The following AGBL4 variants were observed in gnomAD, a reference collection of about 807,000 sequenced individuals.
The protein encoded by AGBL4 is cytosolic carboxypeptidase 6.
AGBL4 carries 58 observed loss-of-function variants against 66.4 expected under a neutral mutation model. The observed-to-expected ratio is 0.87, with a 90% CI of 0.71 to 1.09. The LOEUF is 1.09. Ranked by LOEUF, AGBL4 falls within the 50% of genes least tolerant of loss-of-function variation. AGBL4 has a pLI of 0.00. For missense variants in AGBL4, 579 were observed against 631.0 expected, an observed-to-expected ratio of 0.92 and a Z score of 0.88; for synonymous variants, 234 against 222.9, an observed-to-expected ratio of 1.05 and a Z score of -0.44.
intron 9 of AGBL4, among the ~76,000 whole-genome samples, chr1:48,620,597 T>TA (rs757296939): frequency 6.6e-6 from 1 of 152,190 alleles, no homozygotes; most frequent in Non-Finnish European, 1.5e-5. Context: ...GCATTGCTAT[T>TA]TCAATAACCA....
At chr1:48,616,383 T>A (rs1645318479) in intron 9 of AGBL4, among the ~76,000 whole-genome samples, 2 of 152,022 alleles carry the variant, frequency 1.3e-5, no homozygotes, top group African/African-American at 4.8e-5. Context: ...AGATCCAGAG[T>A]GAGAAAAGAA....
intron 12 of AGBL4, among the ~76,000 whole-genome samples, chr1:48,538,757 C>T (rs909188660): frequency 4.6e-5 from 7 of 152,152 alleles, no homozygotes; most frequent in Admixed American, 1.3e-4. Flanking sequence ...TCAATAACAG[C>T]GTAGGGAGGA....
At chr1:49,394,158 T>C (rs1388571071) in intron 3 of AGBL4, among the ~76,000 whole-genome samples, 1 of 151,838 alleles carries the variant, frequency 6.6e-6, no homozygotes, top group Non-Finnish European at 1.5e-5. Context: ...GCAGCTGAAA[T>C]GGAGCAGACC....
At chr1:48,724,125 G>A (rs1647193180) in intron 6 of AGBL4, among the ~76,000 whole-genome samples, 1 of 152,200 alleles carries the variant, frequency 6.6e-6, no homozygotes, top group Non-Finnish European at 1.5e-5. Context: ...ATGAACAGGT[G>A]TAGGGAGAGA....
intron 1 of AGBL4, among the ~76,000 whole-genome samples, chr1:49,957,376 T>A (rs1038280614): frequency 6.6e-6 from 1 of 151,942 alleles, no homozygotes. Context: ...CTATTAGGTC[T>A]GCTTGGTGCA....
intron 1 of AGBL4, among the ~76,000 whole-genome samples, chr1:49,943,210 C>T (rs1243524544): frequency 6.6e-6 from 1 of 152,100 alleles, no homozygotes; most frequent in Non-Finnish European, 1.5e-5. Flanking sequence ...CTTGTGCACA[C>T]TGTTGGGAAT....
chr1:48,643,362 G>A lies in AGBL4; in HGVS notation c.840-8758C>T, dbSNP rs116386325. On this transcript the variant is annotated intron_variant, in intron 8 of 13. Transcript: ENST00000371839. ...CTACCCACTTAGCTGGCACCTTTGTGTGGTGCACAGACTGTACCCTATGTA... is the reference window on the plus strand; with the variant it reads ...CTACCCACTTAGCTGGCACCTTTGTATGGTGCACAGACTGTACCCTATGTA... 3.7e-3 allele frequency among the ~76,000 whole-genome samples: 562 copies of A among 152,236 alleles called. 5 individuals are homozygous for A. Among genetic ancestry groups the A allele is most frequent in the African/African-American group, 0.013 (538 of 41,536 alleles).
At chr1:49,674,710 T>C (rs188954086) in intron 3 of AGBL4, among the ~76,000 whole-genome samples, 1 of 151,878 alleles carries the variant, frequency 6.6e-6, no homozygotes, top group East Asian at 1.9e-4. Context: ...AGCTAACTGT[T>C]TTCCAAAAAA....
intron 8 of AGBL4, among the ~76,000 whole-genome samples, chr1:48,653,050 G>T (rs1290211586): frequency 2.6e-5 from 4 of 152,188 alleles, no homozygotes; most frequent in Non-Finnish European, 5.9e-5. Flanking sequence ...GGGAAAAGTG[G>T]ACTCCCCAAG....
intron 4 of AGBL4, among the ~76,000 whole-genome samples, chr1:49,125,199 A>G (rs192744323): frequency 3.6e-4 from 55 of 152,268 alleles, no homozygotes; most frequent in Middle Eastern, 3.4e-3. Flanking sequence ...GGAAAACACA[A>G]AAAGGCCTAT....
Position 48,746,630 on chromosome 1 carries a change from G to A in AGBL4, c.635-83389C>T, listed in dbSNP as rs184312351. 2.6e-5 allele frequency among the ~76,000 whole-genome samples: 4 copies of A among 152,320 alleles called. No individual in the cohort carries two copies. In the East Asian group the frequency reaches 5.8e-4, roughly 22 times the overall value. On this transcript the variant is annotated intron_variant, in intron 6 of 13. Coordinates refer to ENST00000371839, the MANE Select transcript of AGBL4 (RefSeq NM_032785.4). Reference sequence around the variant, plus strand: ...TCCAGGACATTGTCTACAGAAGGTCGGCTTGAAAAGCCAACCAAAGGTACA... The same window carrying A: ...TCCAGGACATTGTCTACAGAAGGTCAGCTTGAAAAGCCAACCAAAGGTACA...
intron 5 of AGBL4, among the ~76,000 whole-genome samples, chr1:48,923,761 T>C (rs1014195251): frequency 3.3e-5 from 5 of 152,174 alleles, no homozygotes; most frequent in African/African-American, 4.8e-5. Flanking sequence ...ATTTAACGAA[T>C]TTGCATTTGG....
At chr1:49,824,562 T>C (rs1167627202) in intron 2 of AGBL4, among the ~76,000 whole-genome samples, 1 of 152,220 alleles carries the variant, frequency 6.6e-6, no homozygotes, top group South Asian at 2.1e-4. Context: ...TCAGAAGCAA[T>C]GAAGCCATTC....
chr1:49,435,115 C>T (rs1645873838), intron 3 of AGBL4, among the ~76,000 whole-genome samples: 1 of 152,126 alleles, frequency 6.6e-6, no homozygotes, highest in African/African-American at 2.4e-5. Context: ...TATTCTTTTG[C>T]TTCAGAGCAC....
chr1:49,331,279 C>T (rs968869563), intron 3 of AGBL4, among the ~76,000 whole-genome samples: 2 of 152,194 alleles, frequency 1.3e-5, no homozygotes, highest in East Asian at 3.9e-4. Context: ...CGGGTCGGGT[C>T]GAGCAGCACC....
chr1:48,605,742 G>A (rs1044515948), intron 9 of AGBL4, among the ~76,000 whole-genome samples: 2 of 152,212 alleles, frequency 1.3e-5, no homozygotes, highest in African/African-American at 4.8e-5. Context: ...TAATGATGGA[G>A]AAGATATTAT....
chr1:49,044,460 C>T (rs1644025805), intron 5 of AGBL4, among the ~76,000 whole-genome samples: 2 of 151,606 alleles, frequency 1.3e-5, no homozygotes, highest in South Asian at 4.2e-4. Flanking sequence ...CTTGCCACTG[C>T]ACTCCAGCCT....
chr1:48,670,017 C>G (rs1000688490), intron 6 of AGBL4, among the ~76,000 whole-genome samples: 6 of 152,072 alleles, frequency 3.9e-5, no homozygotes, highest in Non-Finnish European at 8.8e-5. Flanking sequence ...CCTTGATGAG[C>G]TGGAAGAAGA....
rs1314845152 is a variant in AGBL4 at position 49,479,538 on chromosome 1, T to C, written c.282+217775A>G. 4.6e-5 allele frequency among the ~76,000 whole-genome samples: 7 copies of C among 151,916 alleles called. No individual in the cohort carries two copies. The East Asian group carries it at 1.2e-3, about 25-fold the overall frequency. ...GTTATCATCATTTAGGTCCCACTTATAAGTGAGAACGTGGGGTATTTGGTT... is the reference window on the plus strand; with the variant it reads ...GTTATCATCATTTAGGTCCCACTTACAAGTGAGAACGTGGGGTATTTGGTT... On this transcript the variant is annotated intron_variant, in intron 3 of 13. Coordinates refer to ENST00000371839, the MANE Select transcript of AGBL4 (RefSeq NM_032785.4).
Sources: gnomAD v4.1 joint callset for allele counts (sites outside exome capture counted in the v4.1 genomes callset) on GRCh38, gnomAD v4.1.1 for gene constraint, MANE v1.5 for transcripts, NCBI Gene and HGNC (gene_info 2026-07-23, HGNC 2026-07-21) for gene names.